Variants in ASIC2 observed in about 807,000 individuals in gnomAD.
ASIC2 encodes the protein acid-sensing ion channel 2.
In ASIC2, 25 loss-of-function variants were observed where a neutral mutation model predicts 57.3. That is an observed-to-expected ratio of 0.44 (90% CI 0.32 to 0.61). The LOEUF (loss-of-function observed/expected upper bound fraction) is 0.61. ASIC2 is among the 20% of genes least tolerant of loss of function. ASIC2 has a pLI of 0.06. For synonymous variants in ASIC2, 319 were observed against 307.5 expected, an observed-to-expected ratio of 1.04 and a Z score of -0.39; for missense variants, 641 against 738.1, an observed-to-expected ratio of 0.87 and a Z score of 1.52.
chr17:33,428,340 T>A (rs1403518758), intron 1 of ASIC2, among the ~76,000 whole-genome samples: 3 of 152,234 alleles, frequency 2.0e-5, no homozygotes, highest in African/African-American at 7.2e-5. Flanking sequence ...AGCCCTCAGA[T>A]GACTCTAATG....
chr17:34,143,676 G>C (rs1385751792), intron 1 of ASIC2, among the ~76,000 whole-genome samples: 1 of 152,212 alleles, frequency 6.6e-6, no homozygotes, highest in Non-Finnish European at 1.5e-5. Context: ...TTCAATGGGA[G>C]TACAGCCAGA....
At chr17:33,392,186 CCTTCCTTCCCTCCT>C (rs1909920008) in intron 1 of ASIC2, among the ~76,000 whole-genome samples, 1 of 9,692 alleles carries the variant, frequency 1.0e-4, no homozygotes, top group Non-Finnish European at 2.9e-4. Context: ...TTCCTTCCTT[CCTTCCTTCCCTCCT>C]TCCTTCCTTC....
At position 33,028,237 on chromosome 17, in the gene ASIC2, C is replaced by G; in HGVS notation, c.1138+5G>C. On this transcript the variant is annotated splice_donor_5th_base_variant and intron_variant, in intron 4 of 9. Transcript: ENST00000225823. Reference sequence around the variant, plus strand: ...GCCCTGTGGCCACCCTGCCCTGGCACTGACCTGGCATGTGAACCATGCGGC... The same window carrying G: ...GCCCTGTGGCCACCCTGCCCTGGCAGTGACCTGGCATGTGAACCATGCGGC... The G allele has an allele frequency of 6.2e-7, 1 of 1,613,742 alleles. No individual in the cohort carries two copies.
At chr17:33,209,064 T>C (rs940723872) in intron 1 of ASIC2, among the ~76,000 whole-genome samples, 4 of 152,182 alleles carry the variant, frequency 2.6e-5, no homozygotes, top group Non-Finnish European at 5.9e-5. Context: ...TGGCAGGTTA[T>C]GTGAATGGCC....
chr17:34,118,599 T>C (rs940809411), intron 1 of ASIC2: 34 of 152,150 alleles, frequency 2.2e-4, no homozygotes. Flanking sequence ...TGGGATGGAT[T>C]TGTGATTATT....
chr17:33,322,946 A>C (rs534854251), intron 1 of ASIC2, among the ~76,000 whole-genome samples: 4 of 152,336 alleles, frequency 2.6e-5, no homozygotes, highest in South Asian at 2.1e-4. Flanking sequence ...AATTTAGTAC[A>C]TGGTATGATA....
chr17:33,046,583 G>A (rs1461230069), intron 3 of ASIC2, among the ~76,000 whole-genome samples: 3 of 151,984 alleles, frequency 2.0e-5, no homozygotes, highest in Non-Finnish European at 4.4e-5. Flanking sequence ...TCTGCAGCCC[G>A]CCTGTCCTCC....
chr17:33,034,266 C>T (rs958188380), intron 3 of ASIC2, among the ~76,000 whole-genome samples: 1 of 152,100 alleles, frequency 6.6e-6, no homozygotes. Flanking sequence ...GCAAAGGCAC[C>T]GTGGCCACAG....
chr17:33,242,949 C>T (rs141952597), intron 1 of ASIC2, among the ~76,000 whole-genome samples: 117 of 152,304 alleles, frequency 7.7e-4, no homozygotes, highest in Admixed American at 1.7e-3. Flanking sequence ...GCACACCAGC[C>T]CAGCTCACTG....
intron 1 of ASIC2, among the ~76,000 whole-genome samples, chr17:33,700,929 A>G (rs1245444584): frequency 1.3e-5 from 2 of 152,180 alleles, no homozygotes; most frequent in African/African-American, 4.8e-5. Flanking sequence ...CTGACCTCCT[A>G]AAGCTGAAGT....
intron 4 of ASIC2, 26 bp from the exon 5 acceptor site, chr17:33,026,008 G>T (rs2091857792): frequency 6.2e-7 from 1 of 1,612,168 alleles, no homozygotes; most frequent in South Asian, 1.1e-5. Context: ...ACCAGACAGA[G>T]TTACTCAGGC....
chr17:33,438,218 G>A (rs148110162), intron 1 of ASIC2, among the ~76,000 whole-genome samples: 8 of 152,124 alleles, frequency 5.3e-5, no homozygotes, highest in African/African-American at 1.9e-4. Flanking sequence ...TTTAAAGAAG[G>A]GTTCAGCTTC....
At chr17:33,919,441 T>C (rs1915661430) in intron 1 of ASIC2, among the ~76,000 whole-genome samples, 1 of 152,200 alleles carries the variant, frequency 6.6e-6, no homozygotes, top group Non-Finnish European at 1.5e-5. Context: ...CAATAAATAG[T>C]GCTGGGATAA....
chr17:33,164,909 G>A (rs866079403), intron 1 of ASIC2, among the ~76,000 whole-genome samples: 24 of 152,138 alleles, frequency 1.6e-4, no homozygotes, highest in African/African-American at 5.8e-4. Context: ...GACAATCTGG[G>A]CCCCACTCTC....
intron 3 of ASIC2, among the ~76,000 whole-genome samples, chr17:33,061,998 G>A (rs1162228732): frequency 2.0e-5 from 3 of 151,994 alleles, no homozygotes; most frequent in Non-Finnish European, 2.9e-5. Context: ...CTGTGGGATC[G>A]GTGGTGATAT....
intron 7 of ASIC2, among the ~76,000 whole-genome samples, chr17:33,019,772 C>G (rs1002007934): frequency 5.9e-5 from 9 of 151,646 alleles, no homozygotes; most frequent in Non-Finnish European, 8.8e-5. Context: ...AAATTCAGAG[C>G]TCAGGCCCTT....
At chr17:34,078,956 G>A (rs1413508685) in intron 1 of ASIC2, 6 of 152,246 alleles carry the variant, frequency 3.9e-5, no homozygotes, top group Non-Finnish European at 8.8e-5. Context: ...CAGAGCTGGA[G>A]AAGGCTGGAG....
chr17:33,531,759 A>T (rs960065139), intron 1 of ASIC2, among the ~76,000 whole-genome samples: 1 of 151,982 alleles, frequency 6.6e-6, no homozygotes, highest in Non-Finnish European at 1.5e-5. Context: ...TTCTTTTTCT[A>T]TCACCTGGGG....
At chr17:34,071,131 G>GTGA (rs1909383491) in intron 1 of ASIC2, 1 of 122,730 alleles carries the variant, frequency 8.1e-6, no homozygotes, top group Admixed American at 8.7e-5. Flanking sequence ...AGCACTCTGA[G>GTGA]TGATGAATTG....
Sources: gnomAD v4.1 joint callset for allele counts (sites outside exome capture counted in the v4.1 genomes callset) on GRCh38, gnomAD v4.1.1 for gene constraint, MANE v1.5 for transcripts, NCBI Gene and HGNC (gene_info 2026-07-23, HGNC 2026-07-21) for gene names.